SNX10: variants seen among roughly 807,000 people sequenced by gnomAD.
SNX10 encodes the protein sorting nexin-10.
Under a neutral mutation model 28.5 loss-of-function variants are expected in SNX10, and 25 were observed. The ratio of observed to expected loss-of-function variants is 0.88; its 90% CI spans 0.64 to 1.22. The LOEUF (loss-of-function observed/expected upper bound fraction) is 1.22. SNX10 is among the 50% of genes most tolerant of loss of function. The pLI, the probability that SNX10 is intolerant of heterozygous loss-of-function variation, is 0.00. For missense variants in SNX10, 223 were observed against 242.6 expected (o/e 0.92, Z 0.54); for synonymous variants, 62 against 81.4 (o/e 0.76, Z 1.28).
At chr7:26,299,946 C>T (rs1786271959) in intron 1 of SNX10, among the ~76,000 whole-genome samples, 2 of 152,026 alleles carry the variant, frequency 1.3e-5, no homozygotes, top group South Asian at 4.1e-4. Flanking sequence ...CATGGTGGCT[C>T]ACGCCTGTAA....
At chr7:26,372,289 G>A (rs1010064399) in intron 6 of SNX10, 2 of 595,212 alleles carry the variant, frequency 3.4e-6, no homozygotes, top group African/African-American at 3.7e-5. Context: ...CTTTCATTTA[G>A]TCAGACTTGA....
chr7:26,336,673 C>G (rs1411090580), intron 1 of SNX10, among the ~76,000 whole-genome samples: 2 of 152,170 alleles, frequency 1.3e-5, no homozygotes, highest in Non-Finnish European at 2.9e-5. Context: ...CCACCGCACT[C>G]CAGCCTGGGT....
intron 1 of SNX10, among the ~76,000 whole-genome samples, chr7:26,307,874 T>C (rs1786659512): frequency 6.6e-6 from 1 of 152,188 alleles, no homozygotes; most frequent in South Asian, 2.1e-4. Context: ...GTCTGTAGTT[T>C]ACCTTCATCA....
intron 3 of SNX10, among the ~76,000 whole-genome samples, chr7:26,363,193 C>T (rs1000378283): frequency 4.9e-4 from 74 of 152,144 alleles, no homozygotes; most frequent in Admixed American, 2.0e-4. Context: ...CTCCTTCCAG[C>T]GGGTTTTGCT....
At chr7:26,298,122 T>C (rs554341955) in intron 1 of SNX10, among the ~76,000 whole-genome samples, 55 of 144,114 alleles carry the variant, frequency 3.8e-4, no homozygotes, top group African/African-American at 1.3e-3. Flanking sequence ...TCCAAGTTAC[T>C]GAGGCAAGAG....
intron 1 of SNX10, among the ~76,000 whole-genome samples, chr7:26,309,588 C>T (rs532212363): frequency 2.6e-5 from 4 of 152,206 alleles, no homozygotes; most frequent in African/African-American, 9.6e-5. Context: ...TTCAGGTATC[C>T]GGCTGTTGGC....
intron 1 of SNX10, among the ~76,000 whole-genome samples, chr7:26,323,077 A>C (rs1171597612): frequency 6.6e-6 from 1 of 151,948 alleles, no homozygotes; most frequent in Non-Finnish European, 1.5e-5. Flanking sequence ...GTGAGATATT[A>C]TCTCTATAAA....
At chr7:26,358,118 C>A (rs1788898433) in intron 2 of SNX10, among the ~76,000 whole-genome samples, 1 of 152,070 alleles carries the variant, frequency 6.6e-6, no homozygotes, top group Non-Finnish European at 1.5e-5. Flanking sequence ...AGCACTCCAA[C>A]CAAATTAAAG....
chr7:26,364,227 T>C lies in SNX10; in HGVS notation c.112-308T>C. ...CCTGTCATTTATATGTTAGGATTTA[T>C]TTTTTATGATTTATTCTTGAAAGCA... On this transcript the variant is annotated intron_variant, in intron 3 of 6. Transcript: ENST00000338523. This position sits in a 1 kb window ranked among gnomAD's most constrained non-coding sequence, Gnocchi z 4.9. 1 of 626,708 alleles carries C rather than the reference T, an allele frequency of 1.6e-6. No individual in the cohort carries two copies. Among genetic ancestry groups the C allele is most frequent in the African/African-American group, 1.9e-5 (1 of 51,526 alleles). 38.8% of individuals were successfully genotyped at this position (626,708 alleles called of 1,614,324 possible).
intron 1 of SNX10, among the ~76,000 whole-genome samples, chr7:26,307,072 T>C (rs1055650525): frequency 2.0e-5 from 3 of 152,230 alleles, no homozygotes; most frequent in African/African-American, 7.2e-5. Flanking sequence ...TGGATCTTCA[T>C]GACAGAGGCA....
At chr7:26,324,955 A>G (rs753236068) in intron 1 of SNX10, among the ~76,000 whole-genome samples, 15 of 152,030 alleles carry the variant, frequency 9.9e-5, no homozygotes, top group Non-Finnish European at 2.1e-4. Flanking sequence ...CAAGCACTTA[A>G]ATGTCTCCTG....
At chr7:26,333,907 G>C (rs1787832836) in intron 1 of SNX10, among the ~76,000 whole-genome samples, 1 of 152,168 alleles carries the variant, frequency 6.6e-6, no homozygotes, top group Non-Finnish European at 1.5e-5. Flanking sequence ...AACCCTGTGT[G>C]GTGGAAAGGG....
At chr7:26,325,303 C>CT (rs1787455839) in intron 1 of SNX10, among the ~76,000 whole-genome samples, 1 of 6,150 alleles carries the variant, frequency 1.6e-4, no homozygotes, top group Non-Finnish European at 4.8e-4. Context: ...CTGAAGTTTG[C>CT]AAAATATATA....
At chr7:26,365,271 C>T (rs1789245109) in intron 5 of SNX10, 126 bp downstream of exon 5, 2 of 595,306 alleles carry the variant, frequency 3.4e-6, no homozygotes, top group East Asian at 5.6e-5. Flanking sequence ...TAGAGCAAAA[C>T]CCAGTGGCCC....
At chr7:26,296,134 CATAAATAA>C (rs925137866) in intron 1 of SNX10, among the ~76,000 whole-genome samples, 1 of 151,778 alleles carries the variant, frequency 6.6e-6, no homozygotes, top group East Asian at 1.9e-4. Context: ...GACTCTGTCT[CATAAATAA>C]ATAAATAAAT....
At chr7:26,334,653 T>G (rs889519360) in intron 1 of SNX10, among the ~76,000 whole-genome samples, 1 of 152,250 alleles carries the variant, frequency 6.6e-6, no homozygotes, top group Non-Finnish European at 1.5e-5. Context: ...TCATAGAGAT[T>G]AGCAAGTTAG....
intron 2 of SNX10, among the ~76,000 whole-genome samples, chr7:26,355,210 T>G (rs1788771964): frequency 6.6e-6 from 1 of 152,220 alleles, no homozygotes. Context: ...TATCCCTCTC[T>G]AGGACTCCAT....
At chr7:26,305,486 C>G (rs1045406639) in intron 1 of SNX10, among the ~76,000 whole-genome samples, 1 of 152,192 alleles carries the variant, frequency 6.6e-6, no homozygotes, top group Non-Finnish European at 1.5e-5. Flanking sequence ...CTTCCTGCTG[C>G]CCCCGAAGGT....
rs766331652 is a variant in SNX10, at chr7:26,365,142, G to A, written c.308G>A (p.Arg103Lys). The A allele has an allele frequency of 6.3e-7, 1 of 1,595,408 alleles. No homozygotes were observed. Among genetic ancestry groups the A allele is most frequent in the Non-Finnish European group, 8.6e-7 (1 of 1,163,006 alleles). The change falls in exon 5 of 7, where the codon AGA (arginine) becomes AAA (lysine). Residue 103 changes from arginine (R) to lysine (K), a missense_variant. Transcript: ENST00000338523. Reference sequence around the variant, plus strand: ...CGCCAGGGTCTGGAAGATTTCCTCAGAAAGTGAGTGTCCAGAAACTTTTGT... The same window carrying A: ...CGCCAGGGTCTGGAAGATTTCCTCAAAAAGTGAGTGTCCAGAAACTTTTGT... ...QRRQGLEDFL[R>K]KVLQNALLLS...
Sources: gnomAD v4.1 joint callset for allele counts (sites outside exome capture counted in the v4.1 genomes callset) on GRCh38, gnomAD v4.1.1 for gene constraint, Gnocchi (gnomAD v3.1) non-coding constraint, MANE v1.5 for transcripts, NCBI Gene and HGNC (gene_info 2026-07-23, HGNC 2026-07-21) for gene names.